The following CDKAL1 variants were observed in gnomAD, a reference collection of about 807,000 sequenced individuals.
The protein encoded by CDKAL1 is threonylcarbamoyladenosine tRNA methylthiotransferase.
CDKAL1 carries 32 observed loss-of-function variants against 68.2 expected under a neutral mutation model. The ratio of observed to expected loss-of-function variants is 0.47; its 90% CI spans 0.35 to 0.63. The LOEUF is 0.63. Ranked by LOEUF, CDKAL1 falls within the 30% of genes least tolerant of loss-of-function variation. The pLI is 0.00. For synonymous variants in CDKAL1, 234 were observed against 244.3 expected (o/e 0.96, Z 0.39); for missense variants, 606 against 696.7 (o/e 0.87, Z 1.47).
chr6:20,631,561 AT>A (rs1767675992), intron 4 of CDKAL1, among the ~76,000 whole-genome samples: 1 of 152,174 alleles, frequency 6.6e-6, no homozygotes, highest in Non-Finnish European at 1.5e-5. Context: ...CCACTTGAGC[AT>A]CTATTTCCCC....
intron 4 of CDKAL1, among the ~76,000 whole-genome samples, chr6:20,614,869 G>A (rs1404076683): frequency 6.6e-6 from 1 of 150,924 alleles, no homozygotes; most frequent in Non-Finnish European, 1.5e-5. Flanking sequence ...ATGCTGATGC[G>A]CTGCACCCAC....
chr6:20,984,811 CGGG>C (rs59755973), intron 10 of CDKAL1, among the ~76,000 whole-genome samples: 2 of 92,286 alleles, frequency 2.2e-5, no homozygotes, highest in African/African-American at 6.7e-5. Context: ...GGCACAGTAA[CGGG>C]GGGGGGTGGG....
intron 9 of CDKAL1, among the ~76,000 whole-genome samples, chr6:20,863,759 A>G (rs1471403121): frequency 1.3e-5 from 2 of 152,372 alleles, no homozygotes; most frequent in East Asian, 3.9e-4. Flanking sequence ...ATATGTAAGC[A>G]AATAATGCCA....
intron 5 of CDKAL1, among the ~76,000 whole-genome samples, chr6:20,723,085 AGCCCTTTGCCCTTTCC>A (rs1772463317): frequency 6.6e-6 from 1 of 152,122 alleles, no homozygotes; most frequent in African/African-American, 2.4e-5. Flanking sequence ...CTGCCACACA[AGCCCTTTGCCCTTTCC>A]AGTGGAGGGC....
chr6:20,710,404 C>A (rs1771793677), intron 5 of CDKAL1, among the ~76,000 whole-genome samples: 1 of 152,090 alleles, frequency 6.6e-6, no homozygotes, highest in African/African-American at 2.4e-5. Flanking sequence ...GATGTGTAGC[C>A]TAGGAGCAAT....
intron 4 of CDKAL1, among the ~76,000 whole-genome samples, chr6:20,572,378 G>T (rs1249959563): frequency 6.6e-6 from 1 of 152,076 alleles, no homozygotes; most frequent in African/African-American, 2.4e-5. Context: ...TGCTGAAGTC[G>T]ACTTGGAGTG....
At chr6:20,940,583 C>A (rs1303658328) in intron 9 of CDKAL1, among the ~76,000 whole-genome samples, 1 of 152,062 alleles carries the variant, frequency 6.6e-6, no homozygotes, top group Non-Finnish European at 1.5e-5. Context: ...GAGATGGAGC[C>A]TCTCTCTTTT....
chr6:20,558,539 T>C lies in CDKAL1; in HGVS notation c.286+9834T>C, dbSNP rs190201617. 1.8e-5 allele frequency: 8 copies of C among 456,736 alleles called. No homozygotes were observed. The East Asian group carries it at 4.9e-4, about 28-fold the overall frequency. The allele number at this position is 456,736 out of a possible 1,614,324, so 28.3% of individuals were successfully genotyped here. Reference sequence around the variant, plus strand: ...CTCTTTTTGACCAGACCTTGTGTTATAGGTGAATGAAATTTGGGAATCCTA... The same window carrying C: ...CTCTTTTTGACCAGACCTTGTGTTACAGGTGAATGAAATTTGGGAATCCTA... On this transcript the variant is annotated intron_variant, in intron 4 of 15. Coordinates refer to ENST00000274695, the MANE Select transcript of CDKAL1 (RefSeq NM_017774.3).
At chr6:20,931,633 GA>G (rs993723267) in intron 9 of CDKAL1, among the ~76,000 whole-genome samples, 6 of 151,910 alleles carry the variant, frequency 3.9e-5, no homozygotes, top group African/African-American at 1.2e-4. Flanking sequence ...GTAATATTGG[GA>G]AAAAAAATTT....
intron 4 of CDKAL1, among the ~76,000 whole-genome samples, chr6:20,593,769 A>C (rs1765697283): frequency 1.3e-5 from 2 of 152,150 alleles, no homozygotes; most frequent in African/African-American, 4.8e-5. Flanking sequence ...TTGTGATGTT[A>C]GGGTGTCAAT....
At chr6:20,572,722 G>A (rs1472095173) in intron 4 of CDKAL1, among the ~76,000 whole-genome samples, 1 of 151,926 alleles carries the variant, frequency 6.6e-6, no homozygotes, top group African/African-American at 2.4e-5. Flanking sequence ...CATATTTTAA[G>A]CAAAATTATA....
intron 5 of CDKAL1, chr6:20,722,281 T>C (rs1772416053): frequency 6.4e-6 from 1 of 155,672 alleles, no homozygotes; most frequent in South Asian, 2.0e-4. Context: ...TTTTCCCCAC[T>C]GAACCTTCCC....
intron 10 of CDKAL1, among the ~76,000 whole-genome samples, chr6:20,984,820 G>T (rs1318496761): frequency 6.9e-6 from 1 of 144,448 alleles, no homozygotes; most frequent in Non-Finnish European, 1.5e-5. Context: ...ACGGGGGGGG[G>T]TGGGGAAGGC....
At chr6:21,106,749 G>A (rs1238548181) in intron 12 of CDKAL1, among the ~76,000 whole-genome samples, 1 of 152,176 alleles carries the variant, frequency 6.6e-6, no homozygotes, top group Non-Finnish European at 1.5e-5. Flanking sequence ...TTGACATAAG[G>A]AACTTGAGCA....
rs1773766913 is a variant in CDKAL1 at position 20,748,555 on chromosome 6, G to GGAAA, written c.468+8940_468+8941insGAAA. ...GAAAGAGAGCAAGACTCTGTTTCTGGAAAAAAAAAAAAAAAAAAAAAAAAA... is the reference window on the plus strand; with the variant it reads ...GAAAGAGAGCAAGACTCTGTTTCTGGGAAAAAAAAAAAAAAAAAAAAAAAAAAAA... On this transcript the variant is annotated intron_variant, in intron 6 of 15. Coordinates refer to ENST00000274695, the MANE Select transcript of CDKAL1 (RefSeq NM_017774.3). 1.3e-3 allele frequency among the ~76,000 whole-genome samples: 37 copies of GGAAA among 28,766 alleles called. 1 individual carries two copies. Among genetic ancestry groups the GGAAA allele is most frequent in the African/African-American group, 3.9e-3 (34 of 8,678 alleles). 18.9% of individuals were successfully genotyped at this position (28,766 alleles called of 152,430 possible). A position where few individuals can be genotyped will look rare whatever the true frequency, so the allele number is the denominator to read the frequency against.
intron 4 of CDKAL1, among the ~76,000 whole-genome samples, chr6:20,647,006 A>G (rs1330727612): frequency 9.2e-5 from 14 of 152,154 alleles, no homozygotes; most frequent in Non-Finnish European, 2.1e-4. Context: ...CGGCCTCCCA[A>G]AGTGCCGGGA....
intron 4 of CDKAL1, among the ~76,000 whole-genome samples, chr6:20,593,617 A>C (rs1372591816): frequency 3.1e-5 from 4 of 129,462 alleles, no homozygotes; most frequent in East Asian, 2.1e-4. Context: ...AAAAAAAAAA[A>C]AGAAACCCAG....
At chr6:20,890,118 AAAT>A (rs1761312768) in intron 9 of CDKAL1, among the ~76,000 whole-genome samples, 1 of 152,204 alleles carries the variant, frequency 6.6e-6, no homozygotes. Context: ...TGAAAGAAAA[AAAT>A]AATCCTGAGC....
chr6:20,996,042 T>C (rs1464967043), intron 10 of CDKAL1, among the ~76,000 whole-genome samples: 2 of 152,214 alleles, frequency 1.3e-5, no homozygotes, highest in Non-Finnish European at 2.9e-5. Flanking sequence ...GAAACAGCGT[T>C]CCTTAAACCT....
Sources: gnomAD v4.1 joint callset for allele counts (sites outside exome capture counted in the v4.1 genomes callset) on GRCh38, gnomAD v4.1.1 for gene constraint, MANE v1.5 for transcripts, NCBI Gene and HGNC (gene_info 2026-07-23, HGNC 2026-07-21) for gene names.